Variants in PIK3AP1 observed in about 807,000 individuals in gnomAD.
PIK3AP1 encodes the protein phosphoinositide 3-kinase adapter protein 1.
In PIK3AP1, 21 loss-of-function variants were observed where a neutral mutation model predicts 88.1. The observed-to-expected ratio is 0.24, with a 90% confidence interval of 0.17 to 0.34. The LOEUF is 0.34. PIK3AP1 is among the 10% of genes least tolerant of loss of function. The pLI, the probability that PIK3AP1 is intolerant of heterozygous loss-of-function variation, is 1.00. For missense variants in PIK3AP1, 828 were observed against 1,035.7 expected, an observed-to-expected ratio of 0.80 and a Z score of 2.75; for synonymous variants, 398 against 400.0, an observed-to-expected ratio of 1.00 and a Z score of 0.06.
At chr10:96,700,394 G>T (rs1333373167) in intron 2 of PIK3AP1, among the ~76,000 whole-genome samples, 1 of 152,142 alleles carries the variant, frequency 6.6e-6, no homozygotes, top group Admixed American at 6.5e-5. Flanking sequence ...AGGAGCAGCA[G>T]GCAGTGACCC....
intron 2 of PIK3AP1, among the ~76,000 whole-genome samples, chr10:96,692,071 G>A (rs1844161919): frequency 6.6e-6 from 1 of 152,226 alleles, no homozygotes; most frequent in African/African-American, 2.4e-5. Flanking sequence ...TGAAAGTGAT[G>A]TTGGAAAACT....
chr10:96,607,000 T>G (rs2072407950), intron 14 of PIK3AP1, among the ~76,000 whole-genome samples: 1 of 152,244 alleles, frequency 6.6e-6, no homozygotes. Flanking sequence ...CTTTCTGTTT[T>G]GAAATTTTTG....
chr10:96,636,844 C>A (rs569946510), intron 8 of PIK3AP1, among the ~76,000 whole-genome samples: 1 of 24,854 alleles, frequency 4.0e-5, no homozygotes, highest in Non-Finnish European at 2.0e-4. Context: ...GAAGCTTGAA[C>A]AGTGAGAGAA....
At chr10:96,693,571 TGCC>T (rs1844183587) in intron 2 of PIK3AP1, among the ~76,000 whole-genome samples, 1 of 152,226 alleles carries the variant, frequency 6.6e-6, no homozygotes, top group Admixed American at 6.5e-5. Context: ...TCTTCTCTGA[TGCC>T]AATACTTCTG....
rs1435512891 is a variant in PIK3AP1 at position 96,656,842 on chromosome 10, G to T, written c.523C>A (p.Pro175Thr). 6.2e-7 allele frequency: 1 copy of T among 1,613,946 alleles called. No individual in the cohort carries two copies. Among genetic ancestry groups the T allele is most frequent in the Non-Finnish European group, 8.5e-7 (1 of 1,180,006 alleles). The change falls in exon 3 of 17, where the codon CCT becomes ACT. Residue 175 changes from proline (P) to threonine (T), a missense_variant. This residue lies in a region of PIK3AP1 where 610 missense variants were observed against 760.1 expected (regional missense o/e 0.80). Coordinates refer to ENST00000339364, the MANE Select transcript of PIK3AP1 (RefSeq NM_152309.3). ...GGCTGCACCACCATCAGGTTCCCAG[G>T]TGAAGTCACCGTCGGCAGGTTCTGC... ...KQQNLPTVTS[P>T]GNLMVVQPDR...
Position 96,648,771 on chromosome 10 carries a change from C to G in PIK3AP1, c.1073G>C (p.Cys358Ser). 1 of 1,609,936 alleles carries G rather than the reference C, an allele frequency of 6.2e-7. No homozygotes were observed. Among genetic ancestry groups the G allele is most frequent in the Non-Finnish European group, 8.5e-7 (1 of 1,178,422 alleles). Residue 358 changes from cysteine to serine, a missense_variant, in exon 7 of 17, where the codon TGC becomes TCC. By Grantham distance (112) the Cys-to-Ser change is moderately radical. Transcript: ENST00000339364. Reference sequence around the variant, plus strand: ...GCTGTACGCCTGCAGGGCTCCTGGGCAGGTGAGCAACAAGGCAGTGAGGTT... The same window carrying G: ...GCTGTACGCCTGCAGGGCTCCTGGGGAGGTGAGCAACAAGGCAGTGAGGTT... Reference protein sequence around the residue: ...LKNLTALLLTCPGALQAYSVA... With the variant: ...LKNLTALLLTSPGALQAYSVA...
intron 8 of PIK3AP1, among the ~76,000 whole-genome samples, chr10:96,643,914 C>T (rs1843424591): frequency 6.6e-6 from 1 of 152,196 alleles, no homozygotes; most frequent in Non-Finnish European, 1.5e-5. Flanking sequence ...ACTTCTCTTC[C>T]TTGAATCTAT....
intron 2 of PIK3AP1, among the ~76,000 whole-genome samples, chr10:96,671,290 T>C (rs1219160545): frequency 2.0e-5 from 3 of 152,184 alleles, no homozygotes; most frequent in Non-Finnish European, 4.4e-5. Flanking sequence ...ACTCAAACCT[T>C]AAGTTTCAAT....
intron 3 of PIK3AP1, 90 bp from the exon 4 acceptor site, chr10:96,652,932 G>T: frequency 1.4e-6 from 2 of 1,419,280 alleles, no homozygotes; most frequent in Non-Finnish European, 9.6e-7. Context: ...TCTTGCCCTA[G>T]CTCTACCTAG....
intron 2 of PIK3AP1, among the ~76,000 whole-genome samples, chr10:96,683,881 A>T (rs1037681729): frequency 9.8e-5 from 15 of 152,380 alleles, no homozygotes; most frequent in Admixed American, 7.8e-4. Context: ...TAAACATTCA[A>T]GACTGTATAT....
intron 12 of PIK3AP1, among the ~76,000 whole-genome samples, chr10:96,618,277 T>C (rs1468246925): frequency 6.6e-6 from 1 of 152,212 alleles, no homozygotes; most frequent in Non-Finnish European, 1.5e-5. Context: ...GTTGTGCACA[T>C]GTACCCTAGA....
chr10:96,602,634 T>G (rs963803870), intron 15 of PIK3AP1, among the ~76,000 whole-genome samples: 4 of 152,194 alleles, frequency 2.6e-5, no homozygotes, highest in African/African-American at 9.6e-5. Flanking sequence ...TCTAATTCCT[T>G]GCTACTCAAA....
At chr10:96,618,233 A>G (rs764021616) in intron 12 of PIK3AP1, among the ~76,000 whole-genome samples, 4 of 152,256 alleles carry the variant, frequency 2.6e-5, no homozygotes, top group Non-Finnish European at 5.9e-5. Flanking sequence ...ACAGAAAGAC[A>G]TGGCACATGT....
At chr10:96,595,700 C>A (rs1347717301) in intron 16 of PIK3AP1, 66 bp from the exon 17 acceptor site, 2 of 1,504,614 alleles carry the variant, frequency 1.3e-6, no homozygotes, top group Non-Finnish European at 1.8e-6. Flanking sequence ...TAGGAATGCA[C>A]AATTTGTTGC....
intron 2 of PIK3AP1, among the ~76,000 whole-genome samples, chr10:96,701,534 C>G (rs575830918): frequency 6.4e-4 from 98 of 152,338 alleles, no homozygotes; most frequent in Non-Finnish European, 9.3e-4. Context: ...GTCATAAAAA[C>G]CATTCATCTT....
chr10:96,683,648 T>C (rs2282341), intron 2 of PIK3AP1, among the ~76,000 whole-genome samples: 5 of 151,982 alleles, frequency 3.3e-5, no homozygotes, highest in African/African-American at 4.8e-5. Flanking sequence ...AGCCAAATCA[T>C]TTTATTCTAT....
intron 13 of PIK3AP1, among the ~76,000 whole-genome samples, chr10:96,610,663 T>A (rs1037344323): frequency 6.6e-6 from 1 of 152,230 alleles, no homozygotes; most frequent in African/African-American, 2.4e-5. Flanking sequence ...AGAGAGCTGA[T>A]GCCTTTGTCG....
intron 2 of PIK3AP1, among the ~76,000 whole-genome samples, chr10:96,687,278 A>G (rs58840174): frequency 2.3e-5 from 3 of 133,332 alleles, no homozygotes; most frequent in African/African-American, 4.0e-5. Context: ...AAAAAAAAAA[A>G]AAAAAAAGAA....
At chr10:96,660,668 A>G (rs556930937) in intron 2 of PIK3AP1, among the ~76,000 whole-genome samples, 1 of 152,352 alleles carries the variant, frequency 6.6e-6, no homozygotes, top group African/African-American at 2.4e-5. Context: ...TTTACCAAAA[A>G]GAATTGAAAA....
Sources: gnomAD v4.1 joint callset for allele counts (sites outside exome capture counted in the v4.1 genomes callset) on GRCh38, gnomAD v4.1.1 for gene constraint, gnomAD v4.1.1 regional missense constraint, MANE v1.5 for transcripts, NCBI Gene and HGNC (gene_info 2026-07-23, HGNC 2026-07-21) for gene names.